Variants in TRO observed in about 807,000 individuals in gnomAD.
TRO encodes the protein MAGE superfamily protein.
TRO carries 29 observed loss-of-function variants against 42.3 expected under a neutral mutation model. The observed-to-expected ratio is 0.68, with a 90% CI of 0.51 to 0.93. The LOEUF is 0.93. Ranked by LOEUF, TRO falls within the 40% of genes least tolerant of loss-of-function variation. The probability of loss-of-function intolerance (pLI) is 0.00; values close to 1 mark genes in which losing one functional copy is unlikely to be tolerated. For missense variants in TRO, 963 were observed against 1,127.7 expected (o/e 0.85, Z 2.09); for synonymous variants, 384 against 425.2 (o/e 0.90, Z 1.19).
chrX:54,923,422 C>T lies in TRO; in HGVS notation c.890C>T (p.Pro297Leu), dbSNP rs759480307. Reference protein sequence around the residue: ...QIEASVVAIRPKKSKGKKAAS... With the variant: ...QIEASVVAIRLKKSKGKKAAS... ...GAGGCCTCAGTAGTGGCTATCAGGC[C>T]CAAAAAATCCAAGGGCAAGAAGGCT... The change falls in exon 3 of 13, where the codon CCC (proline) becomes CTC (leucine). Residue 297 changes from proline to leucine, a missense_variant. By Grantham distance (98) the Pro-to-Leu change is moderately conservative (BLOSUM62 -3). Transcript: ENST00000173898. 1.2e-5 allele frequency: 14 copies of T among 1,196,284 alleles called. No homozygotes were observed. Among genetic ancestry groups the T allele is most frequent in the Non-Finnish European group, 1.6e-5 (14 of 887,323 alleles).
In TRO at chrX:54,924,663, C is replaced by T; in HGVS notation, c.1342-7C>T. 8.3e-7 allele frequency: 1 copy of T among 1,211,267 alleles called. No homozygotes were observed. Among genetic ancestry groups the T allele is most frequent in the Non-Finnish European group, 1.1e-6 (1 of 894,943 alleles). On this transcript the variant is annotated splice_region_variant and splice_polypyrimidine_tract_variant and intron_variant, in intron 4 of 12. Coordinates refer to ENST00000173898, the MANE Select transcript of TRO (RefSeq NM_001039705.3). ...TAAGATCTCTCCATCTATTCCTCTCCTCCCAGGCTAATAAGTTGGTGAAAT... is the reference window on the plus strand; with the variant it reads ...TAAGATCTCTCCATCTATTCCTCTCTTCCCAGGCTAATAAGTTGGTGAAAT...
Position 54,928,068 on chromosome X carries a change from G to T in TRO, c.1878+287G>T, listed in dbSNP as rs1021647033. On this transcript the variant is annotated intron_variant, in intron 11 of 12. Transcript: ENST00000173898. Reference sequence around the variant, plus strand: ...ATAGTTCTTGAGGGCGAGAATCCTAGGTCAGGGTCCACGAGGGTCAGTTCC... The same window carrying T: ...ATAGTTCTTGAGGGCGAGAATCCTATGTCAGGGTCCACGAGGGTCAGTTCC... Among the ~76,000 whole-genome samples the T allele has an allele frequency of 3.5e-5, 4 of 112,689 alleles. No homozygotes were observed. The Admixed American group carries it at 3.7e-4, about 11-fold the overall frequency.
chrX:54,921,999 G>C, intron 1 of TRO: 3 of 339,353 alleles, frequency 8.8e-6, no homozygotes, highest in Middle Eastern at 1.6e-3. Context: ...GTTGCGGAGG[G>C]GGCGTGTAAA....
intron 11 of TRO, 80 bp downstream of exon 11, chrX:54,927,861 G>A (rs1163976952): frequency 2.3e-5 from 19 of 813,524 alleles, no homozygotes; most frequent in Non-Finnish European, 1.8e-5. Context: ...ACAGGGATGG[G>A]CAGGTACAGA....
At position 54,929,248 on chromosome X, in the gene TRO, A is replaced by G. The variant is rs1569546396; in HGVS notation, c.2524A>G (p.Ser842Gly). The G allele has an allele frequency of 9.9e-6, 12 of 1,211,284 alleles. No individual in the cohort carries two copies. The highest frequency in any genetic ancestry group is 1.3e-5 in the Non-Finnish European group (12 of 895,218). Residue 842 changes from serine to glycine, a missense_variant, in exon 12 of 13, where the codon AGT becomes GGT. Physicochemically the swap from Ser to Gly is moderately conservative, Grantham distance 56. This residue lies in a region of TRO where 641 missense variants were observed against 811.3 expected (regional missense o/e 0.79). Transcript: ENST00000173898. ...SGPLSTSATF[S>G]GGASSGFGGT... The stretch of plus-strand genomic sequence containing the variant: ...CCCACTCAGCACCAGTGCCACTTTC[A>G]GTGGTGGAGCCAGCTCTGGCTTTGG...
chrX:54,922,607 G>T lies in TRO; in HGVS notation c.75G>T (p.Gly25=). 1.7e-6 allele frequency: 2 copies of T among 1,210,360 alleles called. No homozygotes were observed. Among genetic ancestry groups the T allele is most frequent in the Non-Finnish European group, 2.2e-6 (2 of 894,838 alleles). ...QGPLPPPGSL[G]LPFPPDIQTE... ...CTCTGCCTCCCCCGGGGAGCCTGGGGCTTCCCTTCCCTCCAGATATACAGA... is the reference window on the plus strand; with the variant it reads ...CTCTGCCTCCCCCGGGGAGCCTGGGTCTTCCCTTCCCTCCAGATATACAGA... Residue 25 remains glycine, a synonymous_variant, in exon 3 of 13, where the codon GGG becomes GGT. Transcript: ENST00000173898.
At position 54,924,999 on chromosome X, in the gene TRO, G is replaced by A. The variant is rs376997921; in HGVS notation, c.1416G>A (p.Arg472=). 4.1e-6 allele frequency: 5 copies of A among 1,209,198 alleles called. No individual in the cohort carries two copies. The African/African-American group carries it at 5.2e-5, about 13-fold the overall frequency. The change falls in exon 6 of 13, where the codon AGG becomes AGA. Residue 472 remains arginine, a synonymous_variant. Coordinates refer to ENST00000173898, the MANE Select transcript of TRO (RefSeq NM_001039705.3). ...TCTCCTTTTCTACAGACATGCTGAG[G>A]GATGTCATCCAAGAATATGATGAAT... ...KIPIKRSDML[R]DVIQEYDEYF...
chrX:54,923,298 A>G lies in TRO; in HGVS notation c.766A>G (p.Lys256Glu), dbSNP rs780625504. The G allele has an allele frequency of 1.7e-5, 20 of 1,209,502 alleles. No individual in the cohort carries two copies. The Admixed American group carries it at 4.2e-4, about 25-fold the overall frequency. ...HTTAASIRTK[K>E]ASKARKTIAK... ...CACAGCAGCCTCCATCCGAACCAAGAAAGCCTCCAAAGCCAGGAAGACAAT... is the reference window on the plus strand; with the variant it reads ...CACAGCAGCCTCCATCCGAACCAAGGAAGCCTCCAAAGCCAGGAAGACAAT... Residue 256 changes from lysine to glutamate, a missense_variant, in exon 3 of 13, where the codon AAA (lysine) becomes GAA (glutamate). Transcript: ENST00000173898.
chrX:54,929,666 G>T lies in TRO; in HGVS notation c.2942G>T (p.Ser981Ile). Residue 981 changes from serine (S) to isoleucine (I), a missense_variant, in exon 12 of 13, where the codon AGT (serine) becomes ATT (isoleucine). This residue lies in a region of TRO where 641 missense variants were observed against 811.3 expected (regional missense o/e 0.79). Coordinates refer to ENST00000173898, the MANE Select transcript of TRO (RefSeq NM_001039705.3). ...GALNTSASFG[S>I]VLNTSTGFGG... ...CTCAACACCAGTGCCAGCTTTGGCAGTGTGCTCAACACCAGTACTGGTTTT... is the reference window on the plus strand; with the variant it reads ...CTCAACACCAGTGCCAGCTTTGGCATTGTGCTCAACACCAGTACTGGTTTT... 1.7e-6 allele frequency: 2 copies of T among 1,211,425 alleles called. No individual in the cohort carries two copies.
At position 54,923,163 on chromosome X, in the gene TRO, G is replaced by A; in HGVS notation, c.631G>A (p.Ala211Thr). The change falls in exon 3 of 13, where the codon GCT (alanine) becomes ACT (threonine). Residue 211 changes from alanine to threonine, a missense_variant. By Grantham distance (58) the Ala-to-Thr change is moderately conservative. Transcript: ENST00000173898. ...KPKKASKAKKAANKAIASATE... is the reference protein window; with the variant it reads ...KPKKASKAKKTANKAIASATE... ...TAAGAAAGCTTCCAAGGCTAAGAAG[G>A]CTGCAAATAAGGCCATAGCTAGTGC... 1.7e-6 allele frequency: 2 copies of A among 1,211,512 alleles called. No individual in the cohort carries two copies. Among genetic ancestry groups the A allele is most frequent in the African/African-American group, 3.5e-5 (2 of 57,711 alleles).
chrX:54,922,594 C>G lies in TRO; in HGVS notation c.62C>G (p.Pro21Arg), dbSNP rs60180407. The change falls in exon 3 of 13, where the codon CCG (proline) becomes CGG (arginine). Residue 21 changes from proline (P) to arginine (R), a missense_variant. Physicochemically the swap from Pro to Arg is moderately radical, Grantham distance 103 (BLOSUM62 -2). Coordinates refer to ENST00000173898, the MANE Select transcript of TRO (RefSeq NM_001039705.3). ...VPLFQGPLPP[P>R]GSLGLPFPPD... is the part of the protein sequence containing the mutation. ...AGTGTGTAGGGCCCTCTGCCTCCCC[C>G]GGGGAGCCTGGGGCTTCCCTTCCCT... 9 of 1,206,763 alleles carry G rather than the reference C, an allele frequency of 7.5e-6. No individual in the cohort carries two copies. In the Admixed American group the frequency reaches 8.8e-5, roughly 12 times the overall value.
Position 54,924,989 on chromosome X carries a change from A to G in TRO, c.1406A>G (p.Asp469Gly). 1 of 1,209,892 alleles carries G rather than the reference A, an allele frequency of 8.3e-7. No individual in the cohort carries two copies. Among genetic ancestry groups the G allele is most frequent in the Non-Finnish European group, 1.1e-6 (1 of 894,235 alleles). The change falls in exon 6 of 13, where the codon GAC becomes GGC. Residue 469 changes from aspartate to glycine, a missense_variant and splice_region_variant. This residue lies in a region of TRO where 641 missense variants were observed against 811.3 expected (regional missense o/e 0.79). Transcript: ENST00000173898. ...TACTCTCACCTCTCCTTTTCTACAG[A>G]CATGCTGAGGGATGTCATCCAAGAA... ...DQTKIPIKRS[D>G]MLRDVIQEYD...
intron 1 of TRO, chrX:54,921,909 A>G (rs1337337461): frequency 9.7e-6 from 2 of 205,912 alleles, no homozygotes; most frequent in Non-Finnish European, 1.7e-5. Context: ...AGGGCATTGA[A>G]GAATGGTTCT....
At chrX:54,925,128 TAC>T in intron 6 of TRO, 60 bp downstream of exon 6, 1 of 1,042,905 alleles carries the variant, frequency 9.6e-7, no homozygotes, top group East Asian at 3.1e-5. Context: ...AGCAAAGACA[TAC>T]ATGTCCCTTT....
At position 54,929,765 on chromosome X, in the gene TRO, G is replaced by A. The variant is rs757080509; in HGVS notation, c.3041G>A (p.Gly1014Asp). The change falls in exon 12 of 13, where the codon GGC becomes GAC. Residue 1014 changes from glycine to aspartate, a missense_variant. Coordinates refer to ENST00000173898, the MANE Select transcript of TRO (RefSeq NM_001039705.3). ...STSVCFGGSP[G>D]TSVSFGSALN... is the part of the protein sequence containing the mutation. ...AGTGTCTGCTTTGGTGGCTCTCCTG[G>A]CACCAGTGTCAGCTTTGGCAGTGCA... is the stretch of plus-strand genomic sequence containing the variant. 2 of 1,211,864 alleles carry A rather than the reference G, an allele frequency of 1.7e-6. No homozygotes were observed. Among genetic ancestry groups the A allele is most frequent in the Non-Finnish European group, 2.2e-6 (2 of 895,431 alleles).
At position 54,922,709 on chromosome X, in the gene TRO, C is replaced by T. The variant is rs371922722; in HGVS notation, c.177C>T (p.Asp59=). Residue 59 remains aspartate, a synonymous_variant, in exon 3 of 13, where the codon GAC becomes GAT. Transcript: ENST00000173898. ...LAATKDSLAM[D]PPVVNRPKKS... ...CAACCAAGGACTCCCTGGCCATGGA[C>T]CCACCAGTTGTCAACCGGCCTAAGA... 1.7e-6 allele frequency: 2 copies of T among 1,210,674 alleles called. No individual in the cohort carries two copies. Among genetic ancestry groups the T allele is most frequent in the African/African-American group, 3.5e-5 (2 of 57,712 alleles).
intron 11 of TRO, 78 bp downstream of exon 11, chrX:54,927,859 G>A (rs1932822210): frequency 1.2e-6 from 1 of 831,371 alleles, no homozygotes; most frequent in African/African-American, 2.0e-5. Flanking sequence ...GCACAGGGAT[G>A]GGCAGGTACA....
rs760399664 is a variant in TRO at position 54,928,810 on chromosome X, G to A, written c.2086G>A (p.Asp696Asn). Reference protein sequence around the residue: ...DCLTREELGDDAQAWSRFSFE... With the variant: ...DCLTREELGDNAQAWSRFSFE... Reference sequence around the variant, plus strand: ...CCTAACAAGGGAAGAGTTAGGCGATGATGCTCAGGCCTGGAGCAGATTTTC... The same window carrying A: ...CCTAACAAGGGAAGAGTTAGGCGATAATGCTCAGGCCTGGAGCAGATTTTC... Residue 696 changes from aspartate to asparagine, a missense_variant, in exon 12 of 13, where the codon GAT (aspartate) becomes AAT (asparagine). By Grantham distance (23) the Asp-to-Asn change is conservative. Transcript: ENST00000173898. The A allele has an allele frequency of 2.4e-5, 29 of 1,211,811 alleles. No homozygotes were observed. Among genetic ancestry groups the A allele is most frequent in the Middle Eastern group, 4.6e-4 (2 of 4,350 alleles).
At position 54,930,916 on chromosome X, in the gene TRO, G is replaced by C. The variant is rs188215780; in HGVS notation, c.4192G>C (p.Gly1398Arg). ...ACCGAGCACAGGAGCTGGCTTCGGC[G>C]GTGGACCAAACACTGGTGCTGGCTT... ...GGPSTGAGFG[G>R]GPNTGAGFGG... Residue 1398 changes from glycine (G) to arginine (R), a missense_variant, in exon 12 of 13, where the codon GGT becomes CGT. Transcript: ENST00000173898. The C allele has an allele frequency of 1.7e-6, 2 of 1,208,740 alleles. No individual in the cohort carries two copies. Among genetic ancestry groups the C allele is most frequent in the African/African-American group, 3.5e-5 (2 of 56,888 alleles).
Sources: allele counts gnomAD v4.1 joint callset (sites outside exome capture counted in the v4.1 genomes callset), GRCh38; gene constraint gnomAD v4.1.1; regional missense constraint gnomAD v4.1.1; transcripts MANE v1.5; gene names NCBI Gene and HGNC (gene_info 2026-07-23, HGNC 2026-07-21).